GUK1: variants seen among roughly 807,000 people sequenced by gnomAD.
GUK1 encodes guanylate kinase 1.
A neutral mutation model predicts 25.2 loss-of-function variants in GUK1; 18 were observed. The observed-to-expected ratio is 0.71, with a 90% CI of 0.49 to 1.06. The LOEUF (loss-of-function observed/expected upper bound fraction) is 1.06, where lower values mean the gene tolerates loss of function less well. Ranked by LOEUF, GUK1 falls within the 50% of genes least tolerant of loss-of-function variation. The pLI, the probability that GUK1 is intolerant of heterozygous loss-of-function variation, is 0.00. For missense variants in GUK1, 261 were observed against 276.7 expected (o/e 0.94, Z 0.40); for synonymous variants, 105 against 117.6 (o/e 0.89, Z 0.69).
rs146668917 is a variant in GUK1, at chr1:228,145,641, C to G, written c.112+17C>G. ...GCGTGTCCCGTGAGTCCAGGGCTCT[C>G]GTGGAGGGGTGCGTAGACCTCAAGG... On this transcript the variant is annotated intron_variant, in intron 3 of 8. Transcript: ENST00000312726. 54 of 1,609,994 alleles carry G rather than the reference C, an allele frequency of 3.4e-5. No individual in the cohort carries two copies. Among genetic ancestry groups the G allele is most frequent in the Non-Finnish European group, 4.1e-5 (48 of 1,178,630 alleles).
intron 4 of GUK1, 48 bp from the exon 4 acceptor site, chr1:228,146,794 C>A (rs1227880496): frequency 1.5e-6 from 2 of 1,313,680 alleles, no homozygotes; most frequent in African/African-American, 2.9e-5. Context: ...CCTGGGCACC[C>A]TGGTGCAGGT....
At position 228,145,629 on chromosome 1, in the gene GUK1, G is replaced by A. The variant is rs1340539972; in HGVS notation, c.112+5G>A. On this transcript the variant is annotated splice_donor_5th_base_variant and intron_variant, in intron 3 of 8. Coordinates refer to ENST00000312726, the MANE Select transcript of GUK1 (RefSeq NM_000858.7). The stretch of plus-strand genomic sequence containing the variant: ...TCTTTGGCTTCAGCGTGTCCCGTGA[G>A]TCCAGGGCTCTCGTGGAGGGGTGCG... 6.2e-7 allele frequency: 1 copy of A among 1,612,066 alleles called. No individual in the cohort carries two copies. Among genetic ancestry groups the A allele is most frequent in the Non-Finnish European group, 8.5e-7 (1 of 1,179,452 alleles).
Position 228,147,636 on chromosome 1 carries a change from A to G in GUK1, c.412A>G (p.Asn138Asp). The change falls in exon 7 of 9, where the codon AAC (asparagine) becomes GAC (aspartate). Residue 138 changes from asparagine to aspartate, a missense_variant. Asn to Asp is a conservative substitution (Grantham distance 23, BLOSUM62 1). Coordinates refer to ENST00000312726, the MANE Select transcript of GUK1 (RefSeq NM_000858.7). The stretch of plus-strand genomic sequence containing the variant: ...TTAGGAGCAGCGGCTGCGGCAGCGC[A>G]ACACTGAAACCGAGGAGAGCCTGGT... The G allele has an allele frequency of 6.2e-7, 1 of 1,613,040 alleles. No homozygotes were observed. The highest frequency in any genetic ancestry group is 8.5e-7 in the Non-Finnish European group (1 of 1,179,980).
intron 4 of GUK1, chr1:228,146,521 C>T (rs1397382661): frequency 4.4e-5 from 20 of 457,622 alleles, no homozygotes; most frequent in South Asian, 2.6e-4. Flanking sequence ...TGTAACCTGA[C>T]GGTCTCCAGT....
Position 228,140,279 on chromosome 1 carries a change from A to AG in GUK1, c.-251dup. The AG allele has an allele frequency of 6.5e-7, 1 of 1,528,496 alleles. No individual in the cohort carries two copies. Among genetic ancestry groups the AG allele is most frequent in the Non-Finnish European group, 8.8e-7 (1 of 1,142,642 alleles). 94.7% of individuals were successfully genotyped at this position (1,528,496 alleles called of 1,614,324 possible). The stretch of plus-strand genomic sequence containing the variant: ...CGGTGCGGCGCTGTCACGTAGGTTC[A>AG]GTGGGCGGAAGAGGTGGCCCCGGAT... On this transcript the variant is annotated 5_prime_UTR_variant, in exon 1 of 9. Transcript: ENST00000312726.
At chr1:228,146,250 C>T (rs1489394096) in intron 4 of GUK1, 183 bp downstream of exon 3, 1 of 593,942 alleles carries the variant, frequency 1.7e-6, no homozygotes, top group Non-Finnish European at 3.1e-6. Flanking sequence ...CGTGGTGTCG[C>T]CTTCCTTGGG....
At chr1:228,141,771 CG>C (rs2034070116) in intron 2 of GUK1, 1 of 1,291,050 alleles carries the variant, frequency 7.7e-7, no homozygotes, top group Non-Finnish European at 1.0e-6. Context: ...GGATCTGCGC[CG>C]GCGGCTCCCA....
rs1287724662 is a variant in GUK1, at chr1:228,146,107, G to A, written c.154+40G>A. On this transcript the variant is annotated intron_variant, in intron 4 of 8. Transcript: ENST00000312726. The stretch of plus-strand genomic sequence containing the variant: ...GCCCTATGGCTGGAGCACCCCCAGT[G>A]TGGGCAGGGCTGCTGGGCCCTGCAG... The A allele has an allele frequency of 4.2e-6, 6 of 1,439,754 alleles. No homozygotes were observed. In the South Asian group the frequency reaches 4.6e-5, roughly 11 times the overall value. 89.2% of individuals were successfully genotyped at this position (1,439,754 alleles called of 1,614,324 possible).
At chr1:228,146,978 T>C (rs1558114057) in intron 5 of GUK1, 40 bp downstream of exon 4, 1 of 1,346,966 alleles carries the variant, frequency 7.4e-7, no homozygotes, top group Admixed American at 1.7e-5. Flanking sequence ...CCAGGGTTGC[T>C]GTTGGCAACA....
chr1:228,141,568 C>G (rs1451779540), intron 2 of GUK1: 1 of 901,548 alleles, frequency 1.1e-6, no homozygotes, highest in Non-Finnish European at 1.4e-6. Flanking sequence ...GAAGGTCAAG[C>G]CCTCTGTTAG....
chr1:228,143,242 C>T (rs964602141), intron 2 of GUK1, among the ~76,000 whole-genome samples: 2 of 152,118 alleles, frequency 1.3e-5, no homozygotes, highest in Non-Finnish European at 2.9e-5. Flanking sequence ...CTGTCAGGCC[C>T]ACCAGTGCCA....
intron 8 of GUK1, 78 bp from the exon 8 acceptor site, chr1:228,148,587 C>A: frequency 7.0e-7 from 1 of 1,435,366 alleles, no homozygotes; most frequent in Non-Finnish European, 9.7e-7. Flanking sequence ...ACACCGAGGT[C>A]CACGGTGGAG....
intron 4 of GUK1, 70 bp downstream of exon 3, chr1:228,146,137 G>T: frequency 9.5e-7 from 1 of 1,047,532 alleles, no homozygotes; most frequent in Non-Finnish European, 1.5e-6. Context: ...CTGCAGCTGT[G>T]TTGGCTGTGC....
At position 228,148,786 on chromosome 1, in the gene GUK1, C is replaced by G. The variant is rs1318853874; in HGVS notation, c.*89C>G. On this transcript the variant is annotated 3_prime_UTR_variant, in exon 9 of 9. Coordinates refer to ENST00000312726, the MANE Select transcript of GUK1 (RefSeq NM_000858.7). ...CCCCTTGGCAGGCGATACGGCAGCT[C>G]TGTGCCCTTGGCCAGCATGTGGAGT... The G allele has an allele frequency of 1.2e-5, 20 of 1,603,812 alleles. No individual in the cohort carries two copies. The highest frequency in any genetic ancestry group is 2.7e-5 in the African/African-American group (2 of 74,562).
chr1:228,142,636 C>G (rs952235414), intron 2 of GUK1, among the ~76,000 whole-genome samples: 1 of 152,012 alleles, frequency 6.6e-6, no homozygotes, highest in Non-Finnish European at 1.5e-5. Flanking sequence ...GGTGTCTGAT[C>G]GTTGTCAGGG....
At chr1:228,146,582 C>T (rs1026669286) in intron 4 of GUK1, 6 of 529,302 alleles carry the variant, frequency 1.1e-5, no homozygotes, top group Non-Finnish European at 2.1e-5. Flanking sequence ...CCCACCCCAT[C>T]ACCACCAACT....
In GUK1 at chr1:228,143,777, A is replaced by C. The variant is rs369459125; in HGVS notation, c.-2-1734A>C. 9.3e-4 allele frequency among the ~76,000 whole-genome samples: 141 copies of C among 152,348 alleles called. 3 individuals carry two copies. The South Asian group carries it at 0.029, about 31-fold the overall frequency. On this transcript the variant is annotated intron_variant, in intron 2 of 8. Transcript: ENST00000312726. ...CCAGGTTAGTGGGGAGGCCCGAGCT[A>C]AGCGCAGGGGCAAATTCTGCGGGTG...
chr1:228,147,503 C>G lies in GUK1; in HGVS notation c.349C>G (p.Pro117Ala). Residue 117 changes from proline to alanine, a missense_variant, in exon 6 of 9, where the codon CCC becomes GCC. Physicochemically the swap from Pro to Ala is conservative, Grantham distance 27. Transcript: ENST00000312726. ...GAACATCAAGGCCACCGATCTGCGG[C>G]CCATCTACATCTCTGTGCAGCCGCC... is the stretch of plus-strand genomic sequence containing the variant. The G allele has an allele frequency of 6.2e-7, 1 of 1,613,296 alleles. No individual in the cohort carries two copies. The highest frequency in any genetic ancestry group is 8.5e-7 in the Non-Finnish European group (1 of 1,179,956).
chr1:228,146,218 A>C (rs2034363202), intron 4 of GUK1, 151 bp downstream of exon 3: 1 of 619,206 alleles, frequency 1.6e-6, no homozygotes, highest in African/African-American at 1.9e-5. Context: ...CGGTGAACTC[A>C]ATCAGGGTGT....
Sources: gnomAD v4.1 joint callset for allele counts (sites outside exome capture counted in the v4.1 genomes callset) on GRCh38, gnomAD v4.1.1 for gene constraint, MANE v1.5 for transcripts, NCBI Gene and HGNC (gene_info 2026-07-23, HGNC 2026-07-21) for gene names.